WWOX: variants seen among roughly 807,000 people sequenced by gnomAD.
The protein encoded by WWOX is WW domain-containing oxidoreductase.
A neutral mutation model predicts 46.2 loss-of-function variants in WWOX; 69 were observed. The observed-to-expected ratio is 1.49, with a 90% CI of 1.23 to 1.82. The LOEUF (loss-of-function observed/expected upper bound fraction) is 1.82, where lower values mean the gene tolerates loss of function less well. Among genes scored for constraint, WWOX ranks in the 40% most tolerant of loss-of-function variants. The probability of loss-of-function intolerance (pLI) is 0.00; values close to 1 mark genes in which losing one functional copy is unlikely to be tolerated. For missense variants in WWOX, 919 were observed against 542.6 expected (o/e 1.69, Z -6.89); for synonymous variants, 359 against 202.6 (o/e 1.77, Z -6.56).
intron 8 of WWOX, among the ~76,000 whole-genome samples, chr16:78,527,264 C>T (rs769708199): frequency 3.3e-5 from 5 of 151,550 alleles, no homozygotes; most frequent in Non-Finnish European, 7.4e-5. Flanking sequence ...GCCACCTTTC[C>T]ATTTGACTTG....
intron 8 of WWOX, among the ~76,000 whole-genome samples, chr16:78,630,866 T>C (rs1300851124): frequency 3.9e-5 from 5 of 127,316 alleles, no homozygotes; most frequent in Non-Finnish European, 9.3e-5. Flanking sequence ...AAAGAGGCCA[T>C]ATGCAGTCAG....
intron 8 of WWOX, chr16:78,896,355 T>C (rs568092159): frequency 6.6e-6 from 1 of 152,242 alleles, no homozygotes; most frequent in African/African-American, 2.4e-5. Context: ...TTTACAAAGT[T>C]ATCAAAAACG....
At chr16:78,700,373 G>C (rs1006522985) in intron 8 of WWOX, among the ~76,000 whole-genome samples, 1 of 149,470 alleles carries the variant, frequency 6.7e-6, no homozygotes, top group African/African-American at 2.5e-5. Flanking sequence ...CATCTCTCTT[G>C]TGTGTCTTTC....
chr16:78,563,166 C>A (rs1250832993), intron 8 of WWOX, among the ~76,000 whole-genome samples: 2 of 152,128 alleles, frequency 1.3e-5, no homozygotes, highest in East Asian at 3.9e-4. Context: ...AGGATGTCTG[C>A]AATCAAGATG....
At chr16:79,097,368 C>G (rs1255281642) in intron 8 of WWOX, among the ~76,000 whole-genome samples, 1 of 136,614 alleles carries the variant, frequency 7.3e-6, no homozygotes, top group Admixed American at 7.2e-5. Context: ...TTTTTTTTGG[C>G]CCACATCACT....
chr16:78,670,386 C>T (rs1199061577), intron 8 of WWOX, among the ~76,000 whole-genome samples: 1 of 152,212 alleles, frequency 6.6e-6, no homozygotes, highest in Non-Finnish European at 1.5e-5. Context: ...GCAGGAAAAG[C>T]ATTATGAGCA....
chr16:78,115,414 G>A lies in WWOX; in HGVS notation c.409+260G>A, dbSNP rs541955679. ...GCTATTTTGGTATTCAGGGATGAGA[G>A]ACAACAGGCTCCGTCTAAGAGTTTT... On this transcript the variant is annotated intron_variant, in intron 4 of 8. Coordinates refer to ENST00000566780, the MANE Select transcript of WWOX (RefSeq NM_016373.4). Among the ~76,000 whole-genome samples, 6 of 152,302 alleles carry A rather than the reference G, an allele frequency of 3.9e-5. No homozygotes were observed. The South Asian group carries it at 1.2e-3, about 32-fold the overall frequency.
chr16:79,043,542 G>A (rs2048011066), intron 8 of WWOX, among the ~76,000 whole-genome samples: 1 of 152,064 alleles, frequency 6.6e-6, no homozygotes, highest in Non-Finnish European at 1.5e-5. Flanking sequence ...TCCAGGATCC[G>A]ACAGCTTGCA....
intron 8 of WWOX, among the ~76,000 whole-genome samples, chr16:79,104,058 T>TGGGGGGG (rs2049259343): frequency 2.2e-4 from 5 of 22,412 alleles, no homozygotes; most frequent in Non-Finnish European, 3.9e-4. Context: ...GGGCGGGTGG[T>TGGGGGGG]GGGGGTACTT....
At chr16:78,528,172 T>TA in intron 8 of WWOX, among the ~76,000 whole-genome samples, 1 of 129,464 alleles carries the variant, frequency 7.7e-6, no homozygotes, top group East Asian at 2.3e-4. Context: ...CTAATTTTTT[T>TA]TTTTTTTTTT....
chr16:78,255,413 C>T (rs2038100814), intron 5 of WWOX, among the ~76,000 whole-genome samples: 1 of 152,172 alleles, frequency 6.6e-6, no homozygotes, highest in Non-Finnish European at 1.5e-5. Flanking sequence ...AATGTAAATT[C>T]CGCTGGATAA....
rs549922257 is a variant in WWOX, at chr16:79,122,261, C to G, written c.1057-89347C>G. 5.3e-4 allele frequency among the ~76,000 whole-genome samples: 80 copies of G among 152,148 alleles called. 1 individual carries two copies. The highest frequency in any genetic ancestry group is 1.9e-3 in the African/African-American group (79 of 41,516). On this transcript the variant is annotated intron_variant, in intron 8 of 8. Coordinates refer to ENST00000566780, the MANE Select transcript of WWOX (RefSeq NM_016373.4). ...CATCAGGTAGTGTTAGAAATTTAGG[C>G]TGAGCCAAAAAAGAAAAGGGAGGAG...
intron 8 of WWOX, among the ~76,000 whole-genome samples, chr16:78,646,863 A>G (rs2738589): frequency 0.42 from 63,984 of 151,894 alleles, 16,350 homozygotes; most frequent in Middle Eastern, 0.62. Flanking sequence ...CTGCTGTGTC[A>G]CGCTGTGTTA....
At chr16:78,998,700 A>T (rs2047037145) in intron 8 of WWOX, among the ~76,000 whole-genome samples, 1 of 152,240 alleles carries the variant, frequency 6.6e-6, no homozygotes, top group Non-Finnish European at 1.5e-5. Flanking sequence ...GGACTCTTTC[A>T]TTATCGTTAT....
At chr16:79,109,752 T>C (rs910315337) in intron 8 of WWOX, among the ~76,000 whole-genome samples, 16 of 152,200 alleles carry the variant, frequency 1.1e-4, no homozygotes, top group Non-Finnish European at 1.9e-4. Context: ...AATCTAGAAT[T>C]ATCTGAGCGT....
intron 8 of WWOX, among the ~76,000 whole-genome samples, chr16:79,074,924 A>G (rs888547145): frequency 1.3e-5 from 2 of 152,146 alleles, no homozygotes; most frequent in Admixed American, 6.5e-5. Flanking sequence ...AGTGTAGTAT[A>G]TACAACAGAT....
At chr16:78,389,795 G>T (rs1220479308) in intron 6 of WWOX, among the ~76,000 whole-genome samples, 1 of 152,140 alleles carries the variant, frequency 6.6e-6, no homozygotes, top group African/African-American at 2.4e-5. Context: ...GTGTTGCCCA[G>T]GCTGAAGTGC....
intron 4 of WWOX, among the ~76,000 whole-genome samples, chr16:78,131,129 C>T (rs938597193): frequency 6.6e-6 from 1 of 152,196 alleles, no homozygotes; most frequent in African/African-American, 2.4e-5. Context: ...GCCGTTGTAT[C>T]TGCACTCCAT....
At chr16:79,033,411 G>T (rs2047804395) in intron 8 of WWOX, among the ~76,000 whole-genome samples, 1 of 151,072 alleles carries the variant, frequency 6.6e-6, no homozygotes, top group Non-Finnish European at 1.5e-5. Flanking sequence ...TTTTAAGGCT[G>T]CATAGTATTC....
Sources: allele counts gnomAD v4.1 joint callset (sites outside exome capture counted in the v4.1 genomes callset), GRCh38; gene constraint gnomAD v4.1.1; transcripts MANE v1.5; gene names NCBI Gene and HGNC (gene_info 2026-07-23, HGNC 2026-07-21).